HIVEP3: variants seen among roughly 807,000 people sequenced by gnomAD.
HIVEP3 encodes the protein HIVEP zinc finger 3, also known as transcription factor HIVEP3.
Under a neutral mutation model 152.8 loss-of-function variants are expected in HIVEP3, and 49 were observed. That is an observed-to-expected ratio of 0.32 (90% CI 0.26 to 0.41). The LOEUF (loss-of-function observed/expected upper bound fraction) is 0.41, where lower values mean the gene tolerates loss of function less well. Among genes scored for constraint, HIVEP3 ranks in the 10% least tolerant of loss-of-function variants. The pLI, the probability that HIVEP3 is intolerant of heterozygous loss-of-function variation, is 1.00. For missense variants in HIVEP3, 2,790 were observed against 3,103.3 expected, an observed-to-expected ratio of 0.90 and a Z score of 2.40; for synonymous variants, 1,269 against 1,289.0, an observed-to-expected ratio of 0.98 and a Z score of 0.33.
At chr1:41,686,265 G>A (rs576246021) in intron 2 of HIVEP3, among the ~76,000 whole-genome samples, 6 of 152,088 alleles carry the variant, frequency 3.9e-5, no homozygotes, top group Admixed American at 2.0e-4. Flanking sequence ...GTAGAGATGG[G>A]GTTTCACCAT....
At chr1:41,514,765 CAAAA>C (rs1558018125) in intron 7 of HIVEP3, among the ~76,000 whole-genome samples, 1 of 152,190 alleles carries the variant, frequency 6.6e-6, no homozygotes, top group African/African-American at 2.4e-5. Context: ...CAAGAGTAAA[CAAAA>C]AACAAAATTG....
rs1468893586 is a variant in HIVEP3 at position 41,507,477 on chromosome 1, G to A, written c.*2974C>T. ...CAAGGACTCACCAACCAAAGGCAAG[G>A]TTTGGCTCTGAAACCTCGACCAGTT... On this transcript the variant is annotated 3_prime_UTR_variant, in exon 9 of 9. Coordinates refer to ENST00000372583, the MANE Select transcript of HIVEP3 (RefSeq NM_024503.5). 1 of 152,406 alleles carries A rather than the reference G, an allele frequency of 6.6e-6. No individual in the cohort carries two copies. Among genetic ancestry groups the A allele is most frequent in the Admixed American group, 6.5e-5 (1 of 15,286 alleles). The allele number at this position is 152,406 out of a possible 1,614,324, so 9.4% of individuals were successfully genotyped here.
At chr1:41,935,545 C>T (rs1003695020) in intron 1 of HIVEP3, among the ~76,000 whole-genome samples, 1 of 151,982 alleles carries the variant, frequency 6.6e-6, no homozygotes, top group Non-Finnish European at 1.5e-5. Context: ...AACATGACAA[C>T]TGACCTTTCT....
intron 1 of HIVEP3, among the ~76,000 whole-genome samples, chr1:41,925,191 T>A (rs959402149): frequency 3.9e-5 from 6 of 152,216 alleles, no homozygotes; most frequent in African/African-American, 1.4e-4. Flanking sequence ...AGACTATACG[T>A]GGCTTGCAAA....
At chr1:41,997,180 T>C (rs921561523) in intron 1 of HIVEP3, among the ~76,000 whole-genome samples, 9 of 152,214 alleles carry the variant, frequency 5.9e-5, no homozygotes, top group African/African-American at 1.2e-4. Context: ...TAGCATAGCA[T>C]CATGTCCACA....
intron 3 of HIVEP3, among the ~76,000 whole-genome samples, chr1:41,587,752 C>T (rs531527749): frequency 7.2e-5 from 11 of 152,290 alleles, no homozygotes; most frequent in South Asian, 4.1e-4. Flanking sequence ...GAAAATCACA[C>T]GGGAATGGTG....
intron 1 of HIVEP3, among the ~76,000 whole-genome samples, chr1:41,890,184 T>C (rs1033445171): frequency 6.6e-6 from 1 of 152,224 alleles, no homozygotes; most frequent in African/African-American, 2.4e-5. Context: ...AATTTTCACA[T>C]GTAAATTACT....
chr1:41,738,227 A>C (rs6668879), intron 1 of HIVEP3, among the ~76,000 whole-genome samples: 79,544 of 151,988 alleles, frequency 0.52, 23,509 homozygotes, highest in African/African-American at 0.8. Context: ...CATATAGACA[A>C]GCAGCTGGGT....
intron 1 of HIVEP3, among the ~76,000 whole-genome samples, chr1:41,743,976 C>G (rs1647033108): frequency 6.6e-6 from 1 of 152,166 alleles, no homozygotes; most frequent in Non-Finnish European, 1.5e-5. Flanking sequence ...TCCTTAGGCA[C>G]CTCCCCTCCT....
At chr1:41,795,322 C>A (rs779901006) in intron 1 of HIVEP3, among the ~76,000 whole-genome samples, 1 of 152,092 alleles carries the variant, frequency 6.6e-6, no homozygotes, top group Non-Finnish European at 1.5e-5. Flanking sequence ...TATGTTTTCT[C>A]GTGATTAAAC....
At chr1:42,011,398 G>A (rs2124529711) in intron 1 of HIVEP3, among the ~76,000 whole-genome samples, 1 of 152,258 alleles carries the variant, frequency 6.6e-6, no homozygotes, top group East Asian at 1.9e-4. Context: ...TTTATAAAAA[G>A]AATTAGTTTC....
chr1:41,525,604 C>T (rs1298537308), intron 5 of HIVEP3, among the ~76,000 whole-genome samples: 3 of 152,236 alleles, frequency 2.0e-5, no homozygotes, highest in Non-Finnish European at 4.4e-5. Context: ...AGCTCTCCCC[C>T]TCACCTGCAC....
At chr1:41,628,970 ATGG>A (rs1259448939) in intron 2 of HIVEP3, 23 bp from the exon 3 acceptor site, 2 of 1,228,666 alleles carry the variant, frequency 1.6e-6, no homozygotes, top group Non-Finnish European at 2.0e-6. Context: ...ATTGAGAAAC[ATGG>A]TCAAAGAACT....
At chr1:41,841,953 C>A (rs568093934) in intron 1 of HIVEP3, among the ~76,000 whole-genome samples, 1 of 151,914 alleles carries the variant, frequency 6.6e-6, no homozygotes. Context: ...CTTAGCCAGG[C>A]GTGGTGGTGT....
Position 41,582,160 on chromosome 1 carries a change from T to C in HIVEP3, c.2638A>G (p.Lys880Glu). The change falls in exon 4 of 9, where the codon AAG becomes GAG. Residue 880 changes from lysine to glutamate, a missense_variant. Lys to Glu is a moderately conservative substitution (Grantham distance 56). This residue lies in a region of HIVEP3 where 1,078 missense variants were observed against 1,165.3 expected (regional missense o/e 0.93). Coordinates refer to ENST00000372583, the MANE Select transcript of HIVEP3 (RefSeq NM_024503.5). The surrounding 1 kb of genome is among the most constrained non-coding windows in gnomAD (Gnocchi z 4.7). The stretch of plus-strand genomic sequence containing the variant: ...TGGGGCCATTGGAACTCCTCAGTCT[T>C]CTCAGGTTCCTTAGGGGGCGGCTCT... ...EPEPPPKEPE[K>E]TEEFQWPQRS... The C allele has an allele frequency of 1.2e-6, 2 of 1,613,980 alleles. No individual in the cohort carries two copies. The highest frequency in any genetic ancestry group is 1.7e-6 in the Non-Finnish European group (2 of 1,179,946).
chr1:41,807,929 C>T (rs1650731588), intron 1 of HIVEP3, among the ~76,000 whole-genome samples: 1 of 152,144 alleles, frequency 6.6e-6, no homozygotes, highest in South Asian at 2.1e-4. Context: ...AAGGAGGAGG[C>T]TGTGAAGGAG....
At chr1:41,938,360 A>C (rs1356566586) in intron 1 of HIVEP3, among the ~76,000 whole-genome samples, 1 of 152,228 alleles carries the variant, frequency 6.6e-6, no homozygotes, top group Non-Finnish European at 1.5e-5. Context: ...ATTTGTCCCC[A>C]GCACCTGGAA....
At chr1:41,723,713 A>G (rs1269832912) in intron 1 of HIVEP3, among the ~76,000 whole-genome samples, 1 of 152,240 alleles carries the variant, frequency 6.6e-6, no homozygotes, top group Non-Finnish European at 1.5e-5. Flanking sequence ...GAAGAATGAG[A>G]TAATGATAAG....
intron 6 of HIVEP3, among the ~76,000 whole-genome samples, chr1:41,523,532 A>C (rs1297058477): frequency 4.6e-5 from 7 of 152,136 alleles, no homozygotes; most frequent in African/African-American, 1.7e-4. Context: ...CAGTCAGAGA[A>C]GAGGCCACTC....
Sources: allele counts gnomAD v4.1 joint callset (sites outside exome capture counted in the v4.1 genomes callset), GRCh38; gene constraint gnomAD v4.1.1; regional missense constraint gnomAD v4.1.1; non-coding constraint Gnocchi (gnomAD v3.1); transcripts MANE v1.5; gene names NCBI Gene and HGNC (gene_info 2026-07-23, HGNC 2026-07-21).